Variants in ADCY7 observed in about 807,000 individuals in gnomAD.
The protein encoded by ADCY7 is adenylate cyclase 7.
Under a neutral mutation model 120.6 loss-of-function variants are expected in ADCY7, and 72 were observed. The observed-to-expected ratio is 0.60, with a 90% CI of 0.49 to 0.73. The LOEUF (loss-of-function observed/expected upper bound fraction) is 0.73. Among genes scored for constraint, ADCY7 ranks in the 30% least tolerant of loss-of-function variants. ADCY7 has a pLI of 0.00. For missense variants in ADCY7, 1,227 were observed against 1,486.0 expected, an observed-to-expected ratio of 0.83 and a Z score of 2.87; for synonymous variants, 661 against 628.0, an observed-to-expected ratio of 1.05 and a Z score of -0.78.
rs544790670 is a variant in ADCY7, at chr16:50,314,127, C to G, written c.2856+65C>G. On this transcript the variant is annotated intron_variant, in intron 23 of 25. Transcript: ENST00000673801. ...CACTTAAAGGTGACCTGTCACCTTA[C>G]TTAAAGGGTGTGCCCTTATCTCGTC... 4.1e-5 allele frequency: 61 copies of G among 1,501,136 alleles called. No homozygotes were observed. The African/African-American group carries it at 7.0e-4, about 17-fold the overall frequency. 93.0% of individuals were successfully genotyped at this position (1,501,136 alleles called of 1,614,324 possible). A position where few individuals can be genotyped will look rare whatever the true frequency, so the allele number is the denominator to read the frequency against.
intron 14 of ADCY7, among the ~76,000 whole-genome samples, chr16:50,306,514 C>A (rs1432794745): frequency 6.8e-6 from 1 of 147,776 alleles, no homozygotes; most frequent in African/African-American, 2.5e-5. Flanking sequence ...GCCTGCTTTC[C>A]TTCCCTGCAG....
At chr16:50,300,139 C>T (rs569233257) in intron 8 of ADCY7, among the ~76,000 whole-genome samples, 6 of 152,260 alleles carry the variant, frequency 3.9e-5, no homozygotes, top group Non-Finnish European at 5.9e-5. Context: ...GAGCGTATCT[C>T]GGTTCACCAC....
chr16:50,292,011 A>G lies in ADCY7; in HGVS notation c.537+114A>G. ...GAAGGCCCCGGAGCCGTGTTTGCAG[A>G]CAGCCCGCTCCAAGGCCGGGCCCTC... On this transcript the variant is annotated intron_variant, in intron 4 of 25. Transcript: ENST00000673801. 3.3e-6 allele frequency: 4 copies of G among 1,218,594 alleles called. No individual in the cohort carries two copies. The East Asian group carries it at 1.0e-4, about 30-fold the overall frequency. The allele number at this position is 1,218,594 out of a possible 1,614,324, so 75.5% of individuals were successfully genotyped here. A position where few individuals can be genotyped will look rare whatever the true frequency, so the allele number is the denominator to read the frequency against.
chr16:50,274,651 G>A (rs1002185570), intron 1 of ADCY7, among the ~76,000 whole-genome samples: 2 of 152,190 alleles, frequency 1.3e-5, no homozygotes, highest in Non-Finnish European at 2.9e-5. Flanking sequence ...GCCAAACTGG[G>A]GGCCTCCGGG....
intron 1 of ADCY7, among the ~76,000 whole-genome samples, chr16:50,274,492 C>G (rs2033758672): frequency 6.6e-6 from 1 of 152,062 alleles, no homozygotes; most frequent in African/African-American, 2.4e-5. Flanking sequence ...AAGGGCTCTT[C>G]CGGGCTCTTG....
At chr16:50,292,620 C>T in intron 4 of ADCY7, 56 bp from the exon 5 acceptor site, 2 of 1,591,882 alleles carry the variant, frequency 1.3e-6, no homozygotes, top group Non-Finnish European at 1.7e-6. Flanking sequence ...GGGTCTGGTG[C>T]CTCGGGAGGG....
chr16:50,305,456 T>C (rs754333656), intron 12 of ADCY7, 47 bp from the exon 13 acceptor site: 5 of 1,536,464 alleles, frequency 3.3e-6, no homozygotes, highest in Non-Finnish European at 2.7e-6. Flanking sequence ...TCTGGGAGAG[T>C]TGGAGGTGGT....
chr16:50,310,582 C>T (rs2036391197), intron 18 of ADCY7, 105 bp from the exon 19 acceptor site: 24 of 1,582,100 alleles, frequency 1.5e-5, no homozygotes, highest in Admixed American at 5.4e-5. Context: ...AAGGCAAGAG[C>T]GTGATGCTGA....
At chr16:50,304,806 C>A in intron 11 of ADCY7, 119 bp from the exon 12 acceptor site, 1 of 1,399,466 alleles carries the variant, frequency 7.1e-7, no homozygotes, top group South Asian at 1.2e-5. Flanking sequence ...GTGGCTTGGA[C>A]GACCCCGACA....
chr16:50,305,390 T>A (rs888825259), intron 12 of ADCY7, 113 bp from the exon 13 acceptor site: 6 of 939,644 alleles, frequency 6.4e-6, no homozygotes, highest in Admixed American at 5.6e-5. Flanking sequence ...CACCCATTCC[T>A]TCACCATCCC....
chr16:50,284,094 C>T (rs1368478591), intron 1 of ADCY7, among the ~76,000 whole-genome samples: 3 of 152,148 alleles, frequency 2.0e-5, no homozygotes, highest in South Asian at 2.1e-4. Flanking sequence ...GAAAACTTCC[C>T]GGGCAGGGGG....
intron 1 of ADCY7, among the ~76,000 whole-genome samples, chr16:50,260,583 G>A (rs563158349): frequency 1.3e-5 from 2 of 152,354 alleles, no homozygotes; most frequent in African/African-American, 4.8e-5. Context: ...AATTTCTGTA[G>A]GTCAGGAGTT....
chr16:50,308,216 C>A, intron 15 of ADCY7, 111 bp from the exon 16 acceptor site: 1 of 1,585,150 alleles, frequency 6.3e-7, no homozygotes, highest in South Asian at 1.1e-5. Context: ...TTGCTGTGGG[C>A]AGAATACCAG....
intron 1 of ADCY7, among the ~76,000 whole-genome samples, chr16:50,283,270 G>C (rs79022074): frequency 6.6e-6 from 1 of 152,310 alleles, no homozygotes; most frequent in Non-Finnish European, 1.5e-5. Flanking sequence ...TAGAGGTTGC[G>C]TAAGCTTCAG....
chr16:50,247,344 T>A (rs1411594706), intron 1 of ADCY7, among the ~76,000 whole-genome samples: 1 of 151,788 alleles, frequency 6.6e-6, no homozygotes. Flanking sequence ...CATGGTGAGT[T>A]GGGTCCATAT....
In ADCY7 at chr16:50,253,503, C is replaced by T. The variant is rs115667676; in HGVS notation, c.-64+7300C>T. Reference sequence around the variant, plus strand: ...CTGGCCTCAAATGATCCACCCCTGCCGTGGCCTCCCAAAATGCTGGAATTA... The same window carrying T: ...CTGGCCTCAAATGATCCACCCCTGCTGTGGCCTCCCAAAATGCTGGAATTA... On this transcript the variant is annotated intron_variant, in intron 1 of 4. Coordinates refer to the ADCY7 transcript ENST00000564044. 1.6e-3 allele frequency among the ~76,000 whole-genome samples: 243 copies of T among 152,290 alleles called. 2 individuals are homozygous for T. The highest frequency in any genetic ancestry group is 5.7e-3 in the African/African-American group (235 of 41,550).
At chr16:50,246,237 G>T (rs1345449801) in intron 1 of ADCY7, 1 of 149,786 alleles carries the variant, frequency 6.7e-6, no homozygotes, top group Admixed American at 6.7e-5. Flanking sequence ...GCGGCGGGCG[G>T]GCCGGGGATG....
intron 1 of ADCY7, among the ~76,000 whole-genome samples, chr16:50,252,881 T>C (rs773293273): frequency 6.6e-6 from 1 of 152,268 alleles, no homozygotes; most frequent in Non-Finnish European, 1.5e-5. Context: ...TTAATAGAAT[T>C]GGAACTCGAA....
intron 6 of ADCY7, among the ~76,000 whole-genome samples, chr16:50,293,988 G>C (rs2035175216): frequency 6.6e-6 from 1 of 152,154 alleles, no homozygotes. Flanking sequence ...GTGCCGTTGA[G>C]TGTAGATGTG....
Sources: gnomAD v4.1 joint callset for allele counts (sites outside exome capture counted in the v4.1 genomes callset) on GRCh38, gnomAD v4.1.1 for gene constraint, MANE v1.5 for transcripts, NCBI Gene and HGNC (gene_info 2026-07-23, HGNC 2026-07-21) for gene names.